Variants in GAB2 observed in about 807,000 individuals in gnomAD.
The protein encoded by GAB2 is GRB2 associated binding protein 2, also known as GRB2-associated-binding protein 2.
In GAB2, 26 loss-of-function variants were observed where a neutral mutation model predicts 65.5. The ratio of observed to expected loss-of-function variants is 0.40; its 90% confidence interval spans 0.29 to 0.55. The LOEUF (loss-of-function observed/expected upper bound fraction) is 0.55. Among genes scored for constraint, GAB2 ranks in the 20% least tolerant of loss-of-function variants. The probability of loss-of-function intolerance (pLI) is 0.53; values close to 1 mark genes in which losing one functional copy is unlikely to be tolerated. For synonymous variants in GAB2, 321 were observed against 329.6 expected (o/e 0.97, Z 0.28); for missense variants, 884 against 875.8 (o/e 1.01, Z -0.12).
At chr11:78,343,341 T>G (rs924577644) in intron 1 of GAB2, among the ~76,000 whole-genome samples, 1 of 134,576 alleles carries the variant, frequency 7.4e-6, no homozygotes, top group Admixed American at 9.2e-5. Context: ...GAAGTGGCAA[T>G]GTAGTACAAG....
chr11:78,415,029 G>A (rs1046994118), intron 1 of GAB2, among the ~76,000 whole-genome samples: 7 of 151,918 alleles, frequency 4.6e-5, no homozygotes, highest in Non-Finnish European at 8.8e-5. Context: ...CCTCCATGAC[G>A]CCCAGCTAAT....
rs1344759149 is a variant in GAB2, at chr11:78,218,650, G to A, written c.*622C>T. The A allele has an allele frequency of 6.5e-6, 1 of 153,116 alleles. No homozygotes were observed. The highest frequency in any genetic ancestry group is 1.5e-5 in the Non-Finnish European group (1 of 68,368). The allele number at this position is 153,116 out of a possible 1,614,324, so 9.5% of individuals were successfully genotyped here. On this transcript the variant is annotated 3_prime_UTR_variant, in exon 10 of 10. Coordinates refer to ENST00000361507, the MANE Select transcript of GAB2 (RefSeq NM_080491.3). ...TCAGCCTCAAAGTGGGTTCCCTGCAGATGTCAGCTTTCCCTCTTCATCTGG... is the reference window on the plus strand; with the variant it reads ...TCAGCCTCAAAGTGGGTTCCCTGCAAATGTCAGCTTTCCCTCTTCATCTGG...
At position 78,247,976 on chromosome 11, in the gene GAB2, A is replaced by G. The variant is rs1865343707; in HGVS notation, c.620+2181T>C. Among the ~76,000 whole-genome samples the G allele has an allele frequency of 2.6e-5, 4 of 152,202 alleles. No individual in the cohort carries two copies. The South Asian group carries it at 8.3e-4, about 31-fold the overall frequency. ...ATGACTTGGTCAAAGGCCTACAACA[A>G]TGTGACTTCCTCAGCTGCGTAAAGT... is the stretch of plus-strand genomic sequence containing the variant. On this transcript the variant is annotated intron_variant, in intron 3 of 9. Coordinates refer to ENST00000361507, the MANE Select transcript of GAB2 (RefSeq NM_080491.3).
At position 78,274,259 on chromosome 11, in the gene GAB2, G is replaced by A. The variant is rs559172850; in HGVS notation, c.376+6342C>T. ...GGCACAGACAGACAGAGAGACAAAT[G>A]AGAGAGAAAGACAGACACAAAGGAG... On this transcript the variant is annotated intron_variant, in intron 2 of 9. Transcript: ENST00000361507. 2.6e-3 allele frequency among the ~76,000 whole-genome samples: 399 copies of A among 152,216 alleles called. 2 individuals carry two copies. Among genetic ancestry groups the A allele is most frequent in the Non-Finnish European group, 4.6e-3 (312 of 68,006 alleles).
At chr11:78,338,088 G>T (rs543899550) in intron 1 of GAB2, among the ~76,000 whole-genome samples, 1 of 152,136 alleles carries the variant, frequency 6.6e-6, no homozygotes, top group African/African-American at 2.4e-5. Context: ...TATGTTACCT[G>T]ACTCTTCAGG....
chr11:78,370,600 G>A (rs147804975), intron 1 of GAB2, among the ~76,000 whole-genome samples: 119 of 152,206 alleles, frequency 7.8e-4, no homozygotes, highest in Non-Finnish European at 1.3e-3. Flanking sequence ...GGAAACCAAG[G>A]CTATATGCAT....
chr11:78,399,291 A>T (rs1262593399), intron 1 of GAB2, among the ~76,000 whole-genome samples: 1 of 152,218 alleles, frequency 6.6e-6, no homozygotes, highest in Non-Finnish European at 1.5e-5. Context: ...GAGAATGGCG[A>T]ATTAGAGATG....
At chr11:78,349,067 G>C (rs923537149) in intron 1 of GAB2, among the ~76,000 whole-genome samples, 2 of 152,286 alleles carry the variant, frequency 1.3e-5, no homozygotes, top group African/African-American at 4.8e-5. Flanking sequence ...AATCTTTTGG[G>C]GATGATGCCA....
chr11:78,373,263 G>C (rs1449128616), intron 1 of GAB2, among the ~76,000 whole-genome samples: 2 of 147,338 alleles, frequency 1.4e-5, no homozygotes, highest in African/African-American at 5.0e-5. Context: ...TTTTGAGATG[G>C]AGTTTCACTT....
chr11:78,408,399 T>A (rs1194293677), intron 1 of GAB2, among the ~76,000 whole-genome samples: 1 of 152,060 alleles, frequency 6.6e-6, no homozygotes, highest in African/African-American at 2.4e-5. Context: ...TATAGAGAGA[T>A]ACACTCAAAA....
chr11:78,357,707 T>C (rs943846446), intron 1 of GAB2, among the ~76,000 whole-genome samples: 3 of 152,192 alleles, frequency 2.0e-5, no homozygotes, highest in African/African-American at 7.2e-5. Context: ...ATGCTCATCA[T>C]CACTGGCCAG....
rs144619232 is a variant in GAB2, at chr11:78,285,885, C to A, written c.76-4984G>T. On this transcript the variant is annotated intron_variant, in intron 1 of 9. Coordinates refer to ENST00000361507, the MANE Select transcript of GAB2 (RefSeq NM_080491.3). ...GAAGTGGACCTCTATTTCCTCGGAA[C>A]CTTCATAATGCTTTTTATGTTCTTT... is the stretch of plus-strand genomic sequence containing the variant. Among the ~76,000 whole-genome samples, 346 of 152,334 alleles carry A rather than the reference C, an allele frequency of 2.3e-3. 1 individual carries two copies. Among genetic ancestry groups the A allele is most frequent in the African/African-American group, 7.3e-3 (305 of 41,568 alleles).
At chr11:78,263,685 A>C (rs931903044) in intron 2 of GAB2, among the ~76,000 whole-genome samples, 1 of 151,932 alleles carries the variant, frequency 6.6e-6, no homozygotes, top group African/African-American at 2.4e-5. Context: ...ACTTGTACTA[A>C]CAAGCTTAAA....
chr11:78,414,989 A>G (rs1857176131), intron 1 of GAB2, among the ~76,000 whole-genome samples: 1 of 152,070 alleles, frequency 6.6e-6, no homozygotes, highest in African/African-American at 2.4e-5. Context: ...CTCATGTCTC[A>G]GCCTCCTGAG....
chr11:78,384,799 G>T (rs1366968422), intron 1 of GAB2, among the ~76,000 whole-genome samples: 1 of 152,170 alleles, frequency 6.6e-6, no homozygotes. Flanking sequence ...AACCCAGCCT[G>T]TATATGAAAG....
intron 1 of GAB2, among the ~76,000 whole-genome samples, chr11:78,301,330 G>GT (rs373415325): frequency 0.19 from 26,888 of 144,606 alleles, 2,927 homozygotes; most frequent in East Asian, 0.37. Flanking sequence ...GTATCTTGTG[G>GT]TTTTTTGTTT....
intron 1 of GAB2, among the ~76,000 whole-genome samples, chr11:78,354,024 T>C (rs1856319899): frequency 2.0e-5 from 3 of 152,214 alleles, no homozygotes; most frequent in Non-Finnish European, 4.4e-5. Flanking sequence ...TCTCAGGGGA[T>C]CTTACGTGAT....
intron 1 of GAB2, among the ~76,000 whole-genome samples, chr11:78,342,298 CCTT>C (rs1388192802): frequency 1.3e-5 from 2 of 152,134 alleles, no homozygotes; most frequent in Admixed American, 1.3e-4. Flanking sequence ...AAATTAAACT[CCTT>C]CTTCAAGGCT....
chr11:78,327,907 C>T (rs1855851942), intron 1 of GAB2, among the ~76,000 whole-genome samples: 1 of 152,098 alleles, frequency 6.6e-6, no homozygotes, highest in Non-Finnish European at 1.5e-5. Context: ...TTAAAGACCT[C>T]TATAAACTGG....
Sources: gnomAD v4.1 joint callset for allele counts (sites outside exome capture counted in the v4.1 genomes callset) on GRCh38, gnomAD v4.1.1 for gene constraint, MANE v1.5 for transcripts, NCBI Gene and HGNC (gene_info 2026-07-23, HGNC 2026-07-21) for gene names.